DNAH9: variants seen among roughly 807,000 people sequenced by gnomAD.
The protein encoded by DNAH9 is DNAH9 variant protein.
A neutral mutation model predicts 471.6 loss-of-function variants in DNAH9; 345 were observed. That is an observed-to-expected ratio of 0.73 (90% confidence interval 0.67 to 0.80). The LOEUF (loss-of-function observed/expected upper bound fraction) is 0.80. DNAH9 is among the 30% of genes least tolerant of loss of function. The pLI, the probability that DNAH9 is intolerant of heterozygous loss-of-function variation, is 0.00. For missense variants in DNAH9, 5,407 were observed against 5,609.2 expected (o/e 0.96, Z 1.15); for synonymous variants, 2,093 against 2,123.6 (o/e 0.99, Z 0.40).
At chr17:11,904,250 G>A (rs181094555) in intron 60 of DNAH9, among the ~76,000 whole-genome samples, 236 of 152,224 alleles carry the variant, frequency 1.6e-3, no homozygotes, top group African/African-American at 5.4e-3. Context: ...AGTGAAAGAG[G>A]AGAGTGACTG....
intron 38 of DNAH9, among the ~76,000 whole-genome samples, chr17:11,771,874 T>C (rs1361519042): frequency 1.3e-5 from 2 of 152,180 alleles, no homozygotes; most frequent in Non-Finnish European, 2.9e-5. Context: ...CTTTTACACT[T>C]TTCTCTTTTT....
At chr17:11,759,815 T>C (rs1597604770) in intron 35 of DNAH9, among the ~76,000 whole-genome samples, 4 of 152,124 alleles carry the variant, frequency 2.6e-5, no homozygotes, top group South Asian at 2.1e-4. Flanking sequence ...GCCTGCCAAG[T>C]AGCTGGGACT....
chr17:11,763,300 G>A (rs1967793577), intron 35 of DNAH9, 140 bp from the exon 36 acceptor site: 1 of 716,636 alleles, frequency 1.4e-6, no homozygotes, highest in Non-Finnish European at 2.4e-6. Flanking sequence ...AGGCTTAAGT[G>A]GCGCTCTGGT....
intron 33 of DNAH9, among the ~76,000 whole-genome samples, chr17:11,753,922 G>C (rs180964887): frequency 6.6e-6 from 1 of 152,194 alleles, no homozygotes; most frequent in East Asian, 1.9e-4. Flanking sequence ...CAGGTACTAA[G>C]TTCAGTACCA....
In DNAH9 at chr17:11,704,159, A is replaced by G. The variant is rs1479576963; in HGVS notation, c.5152-44A>G. On this transcript the variant is annotated intron_variant, in intron 24 of 68. Coordinates refer to ENST00000262442, the MANE Select transcript of DNAH9 (RefSeq NM_001372.4). ...TGTGTGATGAGTGGGTTGGTTGGAA[A>G]CAGCCATGATAACAGCTTTACTAGG... 3 of 1,609,566 alleles carry G rather than the reference A, an allele frequency of 1.9e-6. No individual in the cohort carries two copies. The South Asian group carries it at 3.3e-5, about 18-fold the overall frequency.
At chr17:11,773,187 C>T (rs1190874107) in intron 38 of DNAH9, among the ~76,000 whole-genome samples, 1 of 152,188 alleles carries the variant, frequency 6.6e-6, no homozygotes, top group East Asian at 1.9e-4. Flanking sequence ...ACTCATTTTG[C>T]AGCCCAGTGT....
chr17:11,733,255 G>T (rs2075296202), intron 28 of DNAH9, among the ~76,000 whole-genome samples: 1 of 152,210 alleles, frequency 6.6e-6, no homozygotes, highest in Non-Finnish European at 1.5e-5. Flanking sequence ...GGCCAAGGTA[G>T]AGGGGTGACG....
At chr17:11,671,186 G>C (rs2073965870) in intron 17 of DNAH9, among the ~76,000 whole-genome samples, 1 of 152,168 alleles carries the variant, frequency 6.6e-6, no homozygotes. Context: ...GCTACGTCTG[G>C]TAATTCAAGG....
In DNAH9 at chr17:11,900,086, C is replaced by T. The variant is rs78889359; in HGVS notation, c.11407-2633C>T. Reference sequence around the variant, plus strand: ...GATATGGCAGACCACATGACTTGGCCTCATTTTCCAAATGAAAAAAAAAAC... The same window carrying T: ...GATATGGCAGACCACATGACTTGGCTTCATTTTCCAAATGAAAAAAAAAAC... On this transcript the variant is annotated intron_variant, in intron 59 of 68. Coordinates refer to ENST00000262442, the MANE Select transcript of DNAH9 (RefSeq NM_001372.4). 0.012 allele frequency among the ~76,000 whole-genome samples: 1,583 copies of T among 129,914 alleles called. 101 individuals are homozygous for T. The East Asian group carries it at 0.22, about 18-fold the overall frequency. 85.2% of individuals were successfully genotyped at this position (129,914 alleles called of 152,430 possible).
chr17:11,960,402 C>T (rs1281757960), intron 67 of DNAH9, among the ~76,000 whole-genome samples: 1 of 138,300 alleles, frequency 7.2e-6, no homozygotes, highest in Non-Finnish European at 1.5e-5. Context: ...TGCTACTGCA[C>T]TCCAGCCTGG....
intron 42 of DNAH9, among the ~76,000 whole-genome samples, 195 bp from the exon 43 acceptor site, chr17:11,797,402 A>G (rs1012062871): frequency 1.3e-5 from 2 of 151,972 alleles, no homozygotes; most frequent in African/African-American, 4.8e-5. Flanking sequence ...AACAAACATC[A>G]CCTGAGACTT....
Position 11,822,073 on chromosome 17 carries a change from T to C in DNAH9, c.8850+11T>C, listed in dbSNP as rs1249100354. The C allele has an allele frequency of 6.2e-7, 1 of 1,608,014 alleles. No individual in the cohort carries two copies. Among genetic ancestry groups the C allele is most frequent in the African/African-American group, 1.3e-5 (1 of 74,558 alleles). On this transcript the variant is annotated intron_variant, in intron 46 of 68. Coordinates refer to ENST00000262442, the MANE Select transcript of DNAH9 (RefSeq NM_001372.4). The stretch of plus-strand genomic sequence containing the variant: ...CGGCGACAGCTGAAGGTAAAGAGCA[T>C]TTACTGACAGGGGCAGGCAGAGACC...
rs367988347 is a variant in DNAH9 at position 11,776,593 on chromosome 17, C to T, written c.7553-4416C>T. ...GCTTAGAGGTGTTAAGGACTTATCT[C>T]AAAGTCATCCTATGAGTTAACACCA... On this transcript the variant is annotated intron_variant, in intron 38 of 68. Transcript: ENST00000262442. 1.3e-4 allele frequency among the ~76,000 whole-genome samples: 20 copies of T among 152,320 alleles called. No homozygotes were observed. The East Asian group carries it at 2.9e-3, about 22-fold the overall frequency.
intron 49 of DNAH9, among the ~76,000 whole-genome samples, chr17:11,838,405 A>C (rs1399113017): frequency 6.6e-6 from 1 of 152,198 alleles, no homozygotes; most frequent in Non-Finnish European, 1.5e-5. Flanking sequence ...AAAAATTAAA[A>C]AATTTCAGTG....
Position 11,822,423 on chromosome 17 carries a change from C to T in DNAH9, c.8851-15C>T. The stretch of plus-strand genomic sequence containing the variant: ...TGATGCCTTCCTGGTTCTCCCCACC[C>T]TTCTGACTTCTCAGGTGACTCTCTG... On this transcript the variant is annotated splice_polypyrimidine_tract_variant and intron_variant, in intron 46 of 68. Transcript: ENST00000262442. The T allele has an allele frequency of 6.2e-7, 1 of 1,614,070 alleles. No homozygotes were observed.
rs540654910 is a variant in DNAH9, at chr17:11,653,261, C to CT, written c.2595+260dup. 6.6e-5 allele frequency among the ~76,000 whole-genome samples: 10 copies of CT among 152,318 alleles called. No homozygotes were observed. The South Asian group carries it at 2.1e-3, about 32-fold the overall frequency. On this transcript the variant is annotated intron_variant, in intron 14 of 68. Coordinates refer to ENST00000262442, the MANE Select transcript of DNAH9 (RefSeq NM_001372.4). ...TTGTCACATGACTTCGGTCTCACAC[C>CT]TACCCCCAAGGGAACAGAAGAAGAT...
intron 59 of DNAH9, 108 bp from the exon 60 acceptor site, chr17:11,902,611 T>G: frequency 1.1e-5 from 11 of 1,036,980 alleles, no homozygotes; most frequent in Middle Eastern, 2.2e-4. Flanking sequence ...AGAGTATAAA[T>G]GAGACAGAAT....
intron 26 of DNAH9, among the ~76,000 whole-genome samples, chr17:11,713,437 C>A (rs552006593): frequency 2.7e-4 from 41 of 152,044 alleles, no homozygotes; most frequent in Admixed American, 1.6e-3. Flanking sequence ...ATGGCTGGGT[C>A]AAATGGTAGT....
rs1409172013 is a variant in DNAH9 at position 11,852,851 on chromosome 17, T to TAA, written c.9508-1151_9508-1150insAA. ...ATATATATATATATATATATATATATATATATATATGAAAGTGTGTATATA... is the reference window on the plus strand; with the variant it reads ...ATATATATATATATATATATATATATAAATATATATATGAAAGTGTGTATATA... On this transcript the variant is annotated intron_variant, in intron 49 of 68. Coordinates refer to ENST00000262442, the MANE Select transcript of DNAH9 (RefSeq NM_001372.4). Among the ~76,000 whole-genome samples the TAA allele has an allele frequency of 8.9e-4, 123 of 137,796 alleles. 1 individual carries two copies. Among genetic ancestry groups the TAA allele is most frequent in the Non-Finnish European group, 1.4e-3 (92 of 64,638 alleles). 90.4% of individuals were successfully genotyped at this position (137,796 alleles called of 152,430 possible).
Sources: gnomAD v4.1 joint callset for allele counts (sites outside exome capture counted in the v4.1 genomes callset) on GRCh38, gnomAD v4.1.1 for gene constraint, MANE v1.5 for transcripts, NCBI Gene and HGNC (gene_info 2026-07-23, HGNC 2026-07-21) for gene names.